Variants in SLC30A10 observed in about 807,000 individuals in gnomAD.
SLC30A10 encodes the protein solute carrier family 30 member 10, also known as calcium/manganese antiporter SLC30A10.
A neutral mutation model predicts 21.7 loss-of-function variants in SLC30A10; 8 were observed. The ratio of observed to expected loss-of-function variants is 0.37; its 90% CI spans 0.22 to 0.67. The LOEUF (loss-of-function observed/expected upper bound fraction) is 0.67. Among genes scored for constraint, SLC30A10 ranks in the 30% least tolerant of loss-of-function variants. The probability of loss-of-function intolerance (pLI) is 0.58; values close to 1 mark genes in which losing one functional copy is unlikely to be tolerated. For synonymous variants in SLC30A10, 272 were observed against 279.4 expected, an observed-to-expected ratio of 0.97 and a Z score of 0.26; for missense variants, 521 against 642.5, an observed-to-expected ratio of 0.81 and a Z score of 2.04.
chr1:219,915,590 T>C lies in SLC30A10; in HGVS notation c.1317A>G (p.Thr439=). ...AEHNGGPSLD[T]YGSDGLSRRD... The stretch of plus-strand genomic sequence containing the variant: ...TTCTACTGAGGCCATCACTTCCGTA[T>C]GTGTCTAGAGAGGGCCCACCATTGT... The change falls in exon 4 of 4, where the codon ACA becomes ACG. Residue 439 remains threonine (T), a synonymous_variant. Coordinates refer to ENST00000366926, the MANE Select transcript of SLC30A10 (RefSeq NM_018713.3). 1 of 1,614,240 alleles carries C rather than the reference T, an allele frequency of 6.2e-7. No individual in the cohort carries two copies. Among genetic ancestry groups the C allele is most frequent in the Non-Finnish European group, 8.5e-7 (1 of 1,180,040 alleles).
upstream of SLC30A10, among the ~76,000 whole-genome samples, chr1:219,959,030 G>T (rs769849664): frequency 1.3e-5 from 2 of 152,214 alleles, no homozygotes; most frequent in Non-Finnish European, 2.9e-5. Context: ...GCGTCTCGGT[G>T]CCCTGGCAGT....
upstream of SLC30A10, chr1:219,928,579 C>A: frequency 1.5e-6 from 1 of 645,344 alleles, no homozygotes; most frequent in Non-Finnish European, 2.4e-6. This position sits in a 1 kb window ranked among gnomAD's most constrained non-coding sequence, Gnocchi z 6.3. Flanking sequence ...CCTGCCCCAC[C>A]GCTTTTTATA....
upstream of SLC30A10, among the ~76,000 whole-genome samples, chr1:219,930,122 G>A (rs1389775102): frequency 6.6e-6 from 1 of 151,778 alleles, no homozygotes; most frequent in Admixed American, 6.6e-5. Context: ...TGTAGTTTTG[G>A]CTTAGAAATG....
Position 219,918,174 on chromosome 1 carries a change from C to G in SLC30A10, c.958+81G>C, listed in dbSNP as rs2102526461. ...TGTTTCAGAATACATAACTCAAACA[C>G]TGCTCTTAAATAATGCTTGTCCTTT... is the stretch of plus-strand genomic sequence containing the variant. On this transcript the variant is annotated intron_variant, in intron 3 of 3. Coordinates refer to ENST00000366926, the MANE Select transcript of SLC30A10 (RefSeq NM_018713.3). The surrounding 1 kb of genome is among the most constrained non-coding windows in gnomAD (Gnocchi z 4.4). 1 of 1,535,170 alleles carries G rather than the reference C, an allele frequency of 6.5e-7. No individual in the cohort carries two copies. Among genetic ancestry groups the G allele is most frequent in the Non-Finnish European group, 8.8e-7 (1 of 1,131,754 alleles).
In SLC30A10 at chr1:219,911,149, G is replaced by GTTTTTTTTTTGTTTTTTT. The variant is rs1553311741; in HGVS notation, c.*4299_*4300insAAAAAAACAAAAAAAAAA. 1.1e-3 allele frequency among the ~76,000 whole-genome samples: 54 copies of GTTTTTTTTTTGTTTTTTT among 49,422 alleles called. No homozygotes were observed. The highest frequency in any genetic ancestry group is 1.7e-3 in the East Asian group (2 of 1,184). 32.4% of individuals were successfully genotyped at this position (49,422 alleles called of 152,430 possible). On this transcript the variant is annotated 3_prime_UTR_variant, in exon 4 of 4. Coordinates refer to ENST00000366926, the MANE Select transcript of SLC30A10 (RefSeq NM_018713.3). ...ATGTTTCTTCATTTTTTCTACATCA[G>GTTTTTTTTTTGTTTTTTT]TTTTTTTTTTTTTTTTTTTTTTTTT...
chr1:219,947,950 A>G (rs1660212060), intron 1 of SLC30A10, among the ~76,000 whole-genome samples: 1 of 151,964 alleles, frequency 6.6e-6, no homozygotes, highest in South Asian at 2.1e-4. Flanking sequence ...AATCACAAGC[A>G]TTCTTATACA....
intron 1 of SLC30A10, among the ~76,000 whole-genome samples, chr1:219,950,421 C>T (rs1447969493): frequency 3.5e-4 from 53 of 152,108 alleles, no homozygotes; most frequent in African/African-American, 1.2e-3. Flanking sequence ...GGGTGGATCA[C>T]GAAGTCAGGA....
At chr1:219,953,598 G>A (rs889272674) in intron 1 of SLC30A10, among the ~76,000 whole-genome samples, 9 of 149,432 alleles carry the variant, frequency 6.0e-5, no homozygotes, top group South Asian at 4.2e-4. Flanking sequence ...GTGAGACTCC[G>A]TCTCAAAAAA....
Position 219,913,317 on chromosome 1 carries a change from A to G in SLC30A10, c.*2132T>C, listed in dbSNP as rs938561756. 2.6e-5 allele frequency among the ~76,000 whole-genome samples: 4 copies of G among 152,268 alleles called. No homozygotes were observed. Among genetic ancestry groups the G allele is most frequent in the African/African-American group, 9.6e-5 (4 of 41,474 alleles). On this transcript the variant is annotated 3_prime_UTR_variant, in exon 4 of 4. Transcript: ENST00000366926. ...CTTTTCTGAAGTTAGGTTTAATTAC[A>G]GTGGAATTAAGTGCCTTTTCTTACC...
At chr1:219,924,975 C>T (rs181182499) in intron 2 of SLC30A10, among the ~76,000 whole-genome samples, 7 of 152,256 alleles carry the variant, frequency 4.6e-5, no homozygotes, top group Admixed American at 4.6e-4. Flanking sequence ...CAAATCCCAA[C>T]CTTTCAGCCA....
intron 1 of SLC30A10, among the ~76,000 whole-genome samples, chr1:219,940,233 G>A (rs1660103050): frequency 6.6e-6 from 1 of 152,212 alleles, no homozygotes; most frequent in South Asian, 2.1e-4. Flanking sequence ...GTGCAAGGAA[G>A]CCAAGACGCA....
intron 1 of SLC30A10, among the ~76,000 whole-genome samples, chr1:219,951,493 G>A (rs560989668): frequency 4.6e-5 from 7 of 151,708 alleles, no homozygotes; most frequent in Admixed American, 1.3e-4. Flanking sequence ...AGGCCGAGGC[G>A]TGTGGATCAC....
At chr1:219,919,132 G>A (rs1434475071) in intron 2 of SLC30A10, 2 of 152,080 alleles carry the variant, frequency 1.3e-5, no homozygotes, top group African/African-American at 4.8e-5. Flanking sequence ...AAAAATTGTG[G>A]GTGCCTTTAA....
chr1:219,928,576 C>T (rs548420469), upstream of SLC30A10: 32 of 765,562 alleles, frequency 4.2e-5, no homozygotes, highest in African/African-American at 6.0e-4. The surrounding 1 kb of genome is among the most constrained non-coding windows in gnomAD (Gnocchi z 6.3). Flanking sequence ...GGCCCTGCCC[C>T]ACCGCTTTTT....
At position 219,918,297 on chromosome 1, in the gene SLC30A10, G is replaced by A; in HGVS notation, c.916C>T (p.Leu306=). The change falls in exon 3 of 4, where the codon CTG becomes TTG. Residue 306 remains leucine (L), a synonymous_variant. Transcript: ENST00000366926. The surrounding 1 kb of genome is among the most constrained non-coding windows in gnomAD (Gnocchi z 4.4). ...ACTCCTTTTGGGACCATCTGTAGCA[G>A]AATGGCAGCGGTCTCCTTGATAAGC... The part of the protein sequence containing the change: ...FPLIKETAAI[L]LQMVPKGVNM... 1 of 1,614,154 alleles carries A rather than the reference G, an allele frequency of 6.2e-7. No homozygotes were observed. Among genetic ancestry groups the A allele is most frequent in the Non-Finnish European group, 8.5e-7 (1 of 1,180,036 alleles).
chr1:219,952,137 T>C (rs1215307017), intron 1 of SLC30A10, among the ~76,000 whole-genome samples: 3 of 152,144 alleles, frequency 2.0e-5, no homozygotes, highest in Admixed American at 2.0e-4. Context: ...TTACTAATAT[T>C]TCATTAGTTC....
rs1659395093 is a variant in SLC30A10 at position 219,910,925 on chromosome 1, C to T, written c.*4524G>A. ...CAGATGGGTAAGAACATGCAGATTA[C>T]ATTGAGGATTATCTTTCAATGCAAT... On this transcript the variant is annotated 3_prime_UTR_variant, in exon 4 of 4. Coordinates refer to ENST00000366926, the MANE Select transcript of SLC30A10 (RefSeq NM_018713.3). 6.6e-6 allele frequency among the ~76,000 whole-genome samples: 1 copy of T among 152,138 alleles called. No individual in the cohort carries two copies. Among genetic ancestry groups the T allele is most frequent in the African/African-American group, 2.4e-5 (1 of 41,436 alleles).
At chr1:219,927,656 A>AC in intron 1 of SLC30A10, 145 bp downstream of exon 1, 1 of 574,096 alleles carries the variant, frequency 1.7e-6, no homozygotes, top group Non-Finnish European at 2.3e-6. Context: ...AAAAAAAAAA[A>AC]AAAAAAAAAA....
chr1:219,951,553 C>T (rs1307910616), intron 1 of SLC30A10, among the ~76,000 whole-genome samples: 3 of 151,734 alleles, frequency 2.0e-5, no homozygotes, highest in Non-Finnish European at 2.9e-5. Flanking sequence ...AACCCCGTCT[C>T]TACTAAAAAT....
Sources: gnomAD v4.1 joint callset for allele counts (sites outside exome capture counted in the v4.1 genomes callset) on GRCh38, gnomAD v4.1.1 for gene constraint, Gnocchi (gnomAD v3.1) non-coding constraint, MANE v1.5 for transcripts, NCBI Gene and HGNC (gene_info 2026-07-23, HGNC 2026-07-21) for gene names.